UTRN: variants seen among roughly 807,000 people sequenced by gnomAD.
UTRN encodes dystrophin-related protein 1.
In UTRN, 283 loss-of-function variants were observed where a neutral mutation model predicts 463.9. That is an observed-to-expected ratio of 0.61 (90% CI 0.55 to 0.67). UTRN has a LOEUF of 0.67. UTRN is among the 30% of genes least tolerant of loss of function. The pLI is 0.00. For synonymous variants in UTRN, 1,442 were observed against 1,431.5 expected (o/e 1.01, Z -0.17); for missense variants, 3,922 against 4,084.3 (o/e 0.96, Z 1.08).
At chr6:144,469,703 C>CTTTTTTTTTT (rs545551155) in intron 23 of UTRN, among the ~76,000 whole-genome samples, 1 of 135,708 alleles carries the variant, frequency 7.4e-6, no homozygotes, top group Non-Finnish European at 1.6e-5. Flanking sequence ...TGTTTCTTTC[C>CTTTTTTTTTT]TTTTTTTTTT....
intron 2 of UTRN, among the ~76,000 whole-genome samples, chr6:144,357,276 C>T (rs899015042): frequency 6.6e-6 from 1 of 152,088 alleles, no homozygotes; most frequent in Non-Finnish European, 1.5e-5. Context: ...CCCTCATTTC[C>T]GCACGATGAT....
chr6:144,704,880 G>A (rs1178457313), intron 53 of UTRN, among the ~76,000 whole-genome samples: 1 of 151,932 alleles, frequency 6.6e-6, no homozygotes, highest in African/African-American at 2.4e-5. Context: ...GAGAATTGCT[G>A]GAACCCAGGA....
chr6:144,419,739 G>A (rs1331454491), intron 3 of UTRN, among the ~76,000 whole-genome samples: 1 of 152,152 alleles, frequency 6.6e-6, no homozygotes, highest in Admixed American at 6.5e-5. Context: ...TGAAGCCTTT[G>A]CCCACTCCCT....
intron 47 of UTRN, among the ~76,000 whole-genome samples, chr6:144,549,974 T>C (rs1249120316): frequency 6.6e-6 from 1 of 152,242 alleles, no homozygotes; most frequent in Admixed American, 6.5e-5. Flanking sequence ...GAACTCATGA[T>C]AACCGTGCTC....
intron 2 of UTRN, among the ~76,000 whole-genome samples, chr6:144,384,569 A>G (rs1021340068): frequency 6.6e-6 from 1 of 151,956 alleles, no homozygotes; most frequent in African/African-American, 2.4e-5. Context: ...ATTAAACAAC[A>G]ACTCCTCACT....
At chr6:144,774,408 C>CTT in intron 60 of UTRN, 44 bp downstream of exon 60, 2 of 1,368,484 alleles carry the variant, frequency 1.5e-6, no homozygotes, top group Non-Finnish European at 1.9e-6. Flanking sequence ...ACTTGAATTG[C>CTT]GTTTTTTTTT....
At chr6:144,601,362 G>A (rs1227940679) in intron 51 of UTRN, among the ~76,000 whole-genome samples, 2 of 152,182 alleles carry the variant, frequency 1.3e-5, no homozygotes, top group Non-Finnish European at 2.9e-5. Context: ...CTTGATTAAT[G>A]GCAGGAGGTC....
intron 51 of UTRN, among the ~76,000 whole-genome samples, chr6:144,636,417 G>A (rs980138577): frequency 1.3e-5 from 2 of 152,114 alleles, no homozygotes; most frequent in Non-Finnish European, 2.9e-5. Flanking sequence ...GGGAGGGAGA[G>A]CATTAGGAGA....
At chr6:144,811,033 A>G (rs1323044089) in intron 65 of UTRN, among the ~76,000 whole-genome samples, 2 of 152,190 alleles carry the variant, frequency 1.3e-5, no homozygotes, top group Non-Finnish European at 2.9e-5. Flanking sequence ...CATGAGAAGA[A>G]TCATATTTTC....
chr6:144,698,796 A>T (rs930869218), intron 52 of UTRN, among the ~76,000 whole-genome samples: 3 of 152,248 alleles, frequency 2.0e-5, no homozygotes, highest in African/African-American at 7.2e-5. Context: ...AACCTTAACC[A>T]TATCAAAATG....
At chr6:144,293,228 G>T (rs1225044274) in intron 2 of UTRN, among the ~76,000 whole-genome samples, 2 of 152,092 alleles carry the variant, frequency 1.3e-5, no homozygotes, top group Non-Finnish European at 2.9e-5. Context: ...ACGATTTAAT[G>T]TCTCCATACT....
chr6:144,608,256 C>G (rs376848934), intron 51 of UTRN, among the ~76,000 whole-genome samples: 1 of 152,124 alleles, frequency 6.6e-6, no homozygotes, highest in Non-Finnish European at 1.5e-5. Flanking sequence ...TAGCAGATGG[C>G]CTTTGGACTT....
chr6:144,522,263 CT>C, intron 40 of UTRN, 92 bp downstream of exon 40: 1 of 1,045,366 alleles, frequency 9.6e-7, no homozygotes, highest in Non-Finnish European at 1.3e-6. Flanking sequence ...TGGTCTATAT[CT>C]TTTACAATTT....
intron 51 of UTRN, among the ~76,000 whole-genome samples, chr6:144,657,048 C>T (rs1280395666): frequency 1.3e-5 from 2 of 152,012 alleles, no homozygotes; most frequent in South Asian, 2.1e-4. Context: ...GTCAGGAGTT[C>T]GAGACCAGCC....
intron 2 of UTRN, chr6:144,330,989 C>G: frequency 1.0e-6 from 1 of 985,336 alleles, no homozygotes; most frequent in Non-Finnish European, 1.2e-6. Flanking sequence ...TCTGAATCCA[C>G]AAACGGAGAC....
rs115029288 is a variant in UTRN, at chr6:144,564,453, G to A, written c.7289+7142G>A. Among the ~76,000 whole-genome samples the A allele has an allele frequency of 2.1e-3, 318 of 152,242 alleles. 2 individuals carry two copies. Among genetic ancestry groups the A allele is most frequent in the African/African-American group, 7.4e-3 (308 of 41,552 alleles). ...AGATGCGGTAGGAGAGGAAGGCAGA[G>A]GCCAGATCATGCTGAGCTTTGTAAG... On this transcript the variant is annotated intron_variant, in intron 50 of 74. Coordinates refer to ENST00000367545, the MANE Select transcript of UTRN (RefSeq NM_007124.3).
Position 144,447,291 on chromosome 6 carries a change from A to G in UTRN, c.1695A>G (p.Glu565=), listed in dbSNP as rs767945232. 17 of 1,613,728 alleles carry G rather than the reference A, an allele frequency of 1.1e-5. No homozygotes were observed. In the Admixed American group the frequency reaches 2.5e-4, roughly 24 times the overall value. The change falls in exon 15 of 75, where the codon GAA becomes GAG. Residue 565 remains glutamate (E), a synonymous_variant. Coordinates refer to ENST00000367545, the MANE Select transcript of UTRN (RefSeq NM_007124.3). The part of the protein sequence containing the change: ...VQTSNFKDQK[E]LSVSVRRLAI... The stretch of plus-strand genomic sequence containing the variant: ...CAAGCAACTTCAAAGACCAAAAGGA[A>G]CTAAGTGTCAGTGTTCGACGTCTGG...
chr6:144,583,638 G>A (rs1236687223), intron 51 of UTRN: 2 of 603,528 alleles, frequency 3.3e-6, no homozygotes, highest in African/African-American at 3.7e-5. Flanking sequence ...TCGGGTGTCT[G>A]ACAGTTCTAC....
At chr6:144,446,820 C>A (rs772246772) in intron 14 of UTRN, among the ~76,000 whole-genome samples, 106 of 152,224 alleles carry the variant, frequency 7.0e-4, no homozygotes, top group Non-Finnish European at 1.3e-3. Context: ...AACTTGACTT[C>A]TCTTTCCTTC....
Sources: gnomAD v4.1 joint callset for allele counts (sites outside exome capture counted in the v4.1 genomes callset) on GRCh38, gnomAD v4.1.1 for gene constraint, MANE v1.5 for transcripts, NCBI Gene and HGNC (gene_info 2026-07-23, HGNC 2026-07-21) for gene names.